ROBO2: variants seen among roughly 807,000 people sequenced by gnomAD.
ROBO2 encodes the protein roundabout guidance receptor 2.
A neutral mutation model predicts 160.8 loss-of-function variants in ROBO2; 53 were observed. The observed-to-expected ratio is 0.33, with a 90% CI of 0.26 to 0.41. The LOEUF (loss-of-function observed/expected upper bound fraction) is 0.41. Ranked by LOEUF, ROBO2 falls within the 10% of genes least tolerant of loss-of-function variation. The pLI, the probability that ROBO2 is intolerant of heterozygous loss-of-function variation, is 1.00. For synonymous variants in ROBO2, 664 were observed against 611.7 expected, an observed-to-expected ratio of 1.09 and a Z score of -1.26; for missense variants, 1,577 against 1,722.4, an observed-to-expected ratio of 0.92 and a Z score of 1.49.
At chr3:76,568,071 T>C (rs1335691279) in intron 2 of ROBO2, among the ~76,000 whole-genome samples, 1 of 151,756 alleles carries the variant, frequency 6.6e-6, no homozygotes, top group African/African-American at 2.4e-5. Context: ...AGCCTTAGCC[T>C]ACCAAAGTGC....
chr3:76,623,285 T>C, intron 2 of ROBO2, among the ~76,000 whole-genome samples: 1 of 152,186 alleles, frequency 6.6e-6, no homozygotes, highest in Admixed American at 6.5e-5. Flanking sequence ...AAGAGCTATC[T>C]TGCCAATGTG....
At chr3:77,343,501 C>T (rs930234699) in intron 2 of ROBO2, among the ~76,000 whole-genome samples, 1 of 152,170 alleles carries the variant, frequency 6.6e-6, no homozygotes, top group Admixed American at 6.6e-5. Context: ...CTCATGAACC[C>T]ACTTATTTAC....
At chr3:77,403,333 A>G (rs2075974997) in intron 2 of ROBO2, among the ~76,000 whole-genome samples, 1 of 152,112 alleles carries the variant, frequency 6.6e-6, no homozygotes, top group Non-Finnish European at 1.5e-5. Flanking sequence ...ATCTAGCTAA[A>G]ATTTTGAAAC....
At chr3:76,647,503 G>A (rs1299233049) in intron 2 of ROBO2, among the ~76,000 whole-genome samples, 1 of 152,112 alleles carries the variant, frequency 6.6e-6, no homozygotes, top group Non-Finnish European at 1.5e-5. Flanking sequence ...CTGGACAAAA[G>A]TAAAAGAAAG....
intron 2 of ROBO2, among the ~76,000 whole-genome samples, chr3:77,473,440 CTTTTTTTTTTTTTT>C (rs71104688): frequency 2.5e-3 from 191 of 77,920 alleles, no homozygotes; most frequent in African/African-American, 3.1e-3. Flanking sequence ...ACAAACTGCT[CTTTTTTTTTTTTTT>C]TTTTTTTTTT....
chr3:77,158,213 C>T (rs1319855529), intron 2 of ROBO2, among the ~76,000 whole-genome samples: 1 of 152,096 alleles, frequency 6.6e-6, no homozygotes, highest in African/African-American at 2.4e-5. Flanking sequence ...ACCCCCTGTG[C>T]CAACATTGGG....
chr3:76,430,237 T>C (rs1383493220), intron 2 of ROBO2, among the ~76,000 whole-genome samples: 2 of 152,266 alleles, frequency 1.3e-5, no homozygotes, highest in South Asian at 2.1e-4. Flanking sequence ...ACAGGGTAGA[T>C]CTTATAATGC....
chr3:77,566,991 C>T (rs2093501813), intron 12 of ROBO2, among the ~76,000 whole-genome samples: 2 of 151,262 alleles, frequency 1.3e-5, no homozygotes, highest in Non-Finnish European at 2.9e-5. Context: ...AGCATCAAAA[C>T]AGAACATACA....
intron 2 of ROBO2, among the ~76,000 whole-genome samples, chr3:76,527,603 T>C (rs2082015598): frequency 6.6e-6 from 1 of 152,160 alleles, no homozygotes; most frequent in African/African-American, 2.4e-5. Context: ...ATATGCCAGA[T>C]ACTACTTTTT....
chr3:76,827,104 T>C (rs1040139360), intron 2 of ROBO2, among the ~76,000 whole-genome samples: 3 of 152,144 alleles, frequency 2.0e-5, no homozygotes, highest in African/African-American at 7.2e-5. Flanking sequence ...TGCATTGGTA[T>C]CGTTCAGAAA....
At chr3:76,834,221 T>G (rs1220489541) in intron 2 of ROBO2, among the ~76,000 whole-genome samples, 2 of 137,700 alleles carry the variant, frequency 1.5e-5, no homozygotes, top group African/African-American at 5.4e-5. Context: ...TGTTTTTTTC[T>G]TGAGACAAGG....
rs543849782 is a variant in ROBO2, at chr3:76,434,178, A to G, written c.109+496576A>G. 48 of 1,138,442 alleles carry G rather than the reference A, an allele frequency of 4.2e-5. No homozygotes were observed. The East Asian group carries it at 9.8e-4, about 23-fold the overall frequency. 70.5% of individuals were successfully genotyped at this position (1,138,442 alleles called of 1,614,324 possible). A position where few individuals can be genotyped will look rare whatever the true frequency, so the allele number is the denominator to read the frequency against. On this transcript the variant is annotated intron_variant, in intron 2 of 26. Coordinates refer to the ROBO2 transcript ENST00000487694. The stretch of plus-strand genomic sequence containing the variant: ...TGGTCCTGTGGCAGAGTATTTGAAG[A>G]TCAGTAAAGAGACTGGGGGAGACGT...
chr3:76,874,226 A>C (rs2148700658), intron 2 of ROBO2, among the ~76,000 whole-genome samples: 1 of 152,020 alleles, frequency 6.6e-6, no homozygotes, highest in African/African-American at 2.4e-5. Flanking sequence ...AAAAAAAAGT[A>C]GCTTTGACTT....
intron 2 of ROBO2, among the ~76,000 whole-genome samples, chr3:76,315,929 G>A (rs1052432450): frequency 2.0e-5 from 3 of 152,132 alleles, no homozygotes; most frequent in Non-Finnish European, 2.9e-5. Flanking sequence ...ACAAAGAGAG[G>A]AATTTTACAG....
At chr3:77,339,641 T>A (rs2066853702) in intron 2 of ROBO2, among the ~76,000 whole-genome samples, 1 of 152,062 alleles carries the variant, frequency 6.6e-6, no homozygotes, top group Admixed American at 6.6e-5. Context: ...TAAAATCATA[T>A]CATTTTCAGA....
At position 77,116,535 on chromosome 3, in the gene ROBO2, T is replaced by A. The variant is rs187506644; in HGVS notation, c.388+18195T>A. ...CCTTCTCCATTACTGTCCTTCAGGGTGTTACTTGCCATTAAACTTGGACAC... is the reference window on the plus strand; with the variant it reads ...CCTTCTCCATTACTGTCCTTCAGGGAGTTACTTGCCATTAAACTTGGACAC... On this transcript the variant is annotated intron_variant, in intron 2 of 25. Transcript: ENST00000461745. Among the ~76,000 whole-genome samples, 3 of 151,814 alleles carry A rather than the reference T, an allele frequency of 2.0e-5. No individual in the cohort carries two copies. The East Asian group carries it at 5.8e-4, about 29-fold the overall frequency.
chr3:77,056,453 A>G (rs2065752374), intron 1 of ROBO2, among the ~76,000 whole-genome samples: 1 of 152,096 alleles, frequency 6.6e-6, no homozygotes, highest in South Asian at 2.1e-4. Context: ...TAATTCATGC[A>G]GTGTTTTTTT....
chr3:76,667,628 T>G (rs1298009092), intron 2 of ROBO2, among the ~76,000 whole-genome samples: 3 of 152,224 alleles, frequency 2.0e-5, no homozygotes, highest in African/African-American at 4.8e-5. Context: ...TTTGTGTATT[T>G]TAGAGTAATC....
rs572238917 is a variant in ROBO2 at position 77,339,662 on chromosome 3, G to C, written c.389-137752G>C. Among the ~76,000 whole-genome samples the C allele has an allele frequency of 3.3e-5, 5 of 152,056 alleles. No homozygotes were observed. In the East Asian group the frequency reaches 9.7e-4, roughly 29 times the overall value. On this transcript the variant is annotated intron_variant, in intron 2 of 25. Transcript: ENST00000461745. ...CATATCATTTTCAGATCTCCAAAAA[G>C]CCATTATTATCATGTCCCTTTCATA...
Sources: allele counts gnomAD v4.1 joint callset (sites outside exome capture counted in the v4.1 genomes callset), GRCh38; gene constraint gnomAD v4.1.1; transcripts MANE v1.5; gene names NCBI Gene and HGNC (gene_info 2026-07-23, HGNC 2026-07-21).